PRKG2: variants seen among roughly 807,000 people sequenced by gnomAD.
PRKG2 encodes cGMP-dependent protein kinase 2.
PRKG2 carries 33 observed loss-of-function variants against 97.2 expected under a neutral mutation model. The observed-to-expected ratio is 0.34, with a 90% confidence interval of 0.26 to 0.45. The LOEUF is 0.45. PRKG2 is among the 20% of genes least tolerant of loss of function. PRKG2 has a pLI of 1.00. For missense variants in PRKG2, 638 were observed against 900.0 expected, an observed-to-expected ratio of 0.71 and a Z score of 3.73; for synonymous variants, 330 against 321.8, an observed-to-expected ratio of 1.03 and a Z score of -0.27.
chr4:81,140,818 C>A, intron 11 of PRKG2, 149 bp from the exon 12 acceptor site: 3 of 567,972 alleles, frequency 5.3e-6, no homozygotes, highest in Non-Finnish European at 8.7e-6. Flanking sequence ...AGTGTACACA[C>A]TTCCCTTTCA....
chr4:81,160,277 T>G (rs2110071307), intron 6 of PRKG2, among the ~76,000 whole-genome samples: 1 of 152,310 alleles, frequency 6.6e-6, no homozygotes. Flanking sequence ...CTGTAAGCTT[T>G]TCTTACATTG....
intron 14 of PRKG2, among the ~76,000 whole-genome samples, chr4:81,126,736 A>AT (rs1198158948): frequency 6.6e-6 from 1 of 151,546 alleles, no homozygotes; most frequent in Non-Finnish European, 1.5e-5. Flanking sequence ...TTTCTTGTAA[A>AT]TTTTTTTAAG....
chr4:81,158,930 C>T (rs1749360043), intron 6 of PRKG2, among the ~76,000 whole-genome samples: 1 of 148,372 alleles, frequency 6.7e-6, no homozygotes, highest in Non-Finnish European at 1.5e-5. Context: ...TTCCTTAATC[C>T]CTTCCTTACA....
At chr4:81,137,261 T>G in intron 13 of PRKG2, 132 bp downstream of exon 13, 1 of 692,798 alleles carries the variant, frequency 1.4e-6, no homozygotes, top group Non-Finnish European at 2.5e-6. Context: ...CAAGACAATA[T>G]CACTATTACT....
At chr4:81,154,225 G>C (rs930707082) in intron 6 of PRKG2, 9 of 161,918 alleles carry the variant, frequency 5.6e-5, no homozygotes, top group African/African-American at 2.2e-4. Flanking sequence ...GCTTGCTTAG[G>C]TAAACAAAGC....
intron 17 of PRKG2, among the ~76,000 whole-genome samples, chr4:81,101,941 C>T (rs972837094): frequency 6.6e-6 from 1 of 151,992 alleles, no homozygotes; most frequent in Non-Finnish European, 1.5e-5. Context: ...TTAAACACTC[C>T]CATTTGGAGA....
At chr4:81,096,773 T>C (rs2109950559) in intron 17 of PRKG2, among the ~76,000 whole-genome samples, 1 of 152,326 alleles carries the variant, frequency 6.6e-6, no homozygotes, top group African/African-American at 2.4e-5. Context: ...AGTTGTATGT[T>C]CAGGCTTCAA....
chr4:81,200,248 G>A (rs1753220175), intron 2 of PRKG2, among the ~76,000 whole-genome samples: 1 of 152,182 alleles, frequency 6.6e-6, no homozygotes, highest in South Asian at 2.1e-4. Flanking sequence ...CTCTGCCAGT[G>A]ATATTCAGTT....
intron 1 of PRKG2, among the ~76,000 whole-genome samples, chr4:81,210,288 A>C (rs1371041131): frequency 6.6e-6 from 1 of 152,136 alleles, no homozygotes; most frequent in Non-Finnish European, 1.5e-5. Context: ...AAGAAAATGA[A>C]AAAACAAGCC....
chr4:81,172,448 A>G (rs913232622), intron 3 of PRKG2, among the ~76,000 whole-genome samples: 2 of 152,088 alleles, frequency 1.3e-5, no homozygotes, highest in African/African-American at 4.8e-5. Flanking sequence ...ATGGTGCCTC[A>G]ATTGTTATCT....
rs74935333 is a variant in PRKG2 at position 81,178,578 on chromosome 4, C to A, written c.462-3619G>T. 6.0e-5 allele frequency among the ~76,000 whole-genome samples: 9 copies of A among 151,240 alleles called. No individual in the cohort carries two copies. The South Asian group carries it at 1.5e-3, about 25-fold the overall frequency. On this transcript the variant is annotated intron_variant, in intron 2 of 18. Coordinates refer to ENST00000264399, the MANE Select transcript of PRKG2 (RefSeq NM_006259.3). ...AAAACACAATATCTGAAGCTTGACA[C>A]GCAAAAGATCAGTTTGCAATCCGAT...
At position 81,093,406 on chromosome 4, in the gene PRKG2, A is replaced by ACACACAC. The variant is rs1560528537; in HGVS notation, c.2127-955_2127-954insGTGTGTG. On this transcript the variant is annotated intron_variant, in intron 17 of 18. Transcript: ENST00000264399. Reference sequence around the variant, plus strand: ...ACACACACACACACACACACACACAAGCTTCTTATCCTCCTTCCCTACTTT... The same window carrying ACACACAC: ...ACACACACACACACACACACACACAACACACACGCTTCTTATCCTCCTTCCCTACTTT... Among the ~76,000 whole-genome samples the ACACACAC allele has an allele frequency of 6.1e-3, 734 of 120,182 alleles. 13 individuals carry two copies. Among genetic ancestry groups the ACACACAC allele is most frequent in the African/African-American group, 0.024 (680 of 28,208 alleles). 78.8% of individuals were successfully genotyped at this position (120,182 alleles called of 152,430 possible). A position where few individuals can be genotyped will look rare whatever the true frequency, so the allele number is the denominator to read the frequency against.
At chr4:81,127,769 T>C (rs1341438237) in intron 14 of PRKG2, among the ~76,000 whole-genome samples, 2 of 152,208 alleles carry the variant, frequency 1.3e-5, no homozygotes, top group Non-Finnish European at 2.9e-5. Context: ...AATCATGTCA[T>C]CTGCAAACAG....
Position 81,092,412 on chromosome 4 carries a change from T to G in PRKG2, c.2167A>C (p.Ser723Arg). 6.3e-7 allele frequency: 1 copy of G among 1,595,326 alleles called. No homozygotes were observed. Among genetic ancestry groups the G allele is most frequent in the Non-Finnish European group, 8.6e-7 (1 of 1,166,296 alleles). The change falls in exon 18 of 19, where the codon AGC becomes CGC. Residue 723 changes from serine (S) to arginine (R), a missense_variant. Ser to Arg is a moderately radical substitution (Grantham distance 110). Transcript: ENST00000264399. ...TCTCTTTGCAAAGGTGATGGAAGGCTCCGTGCTTTCAGTCCCTCCCAATTA... is the reference window on the plus strand; with the variant it reads ...TCTCTTTGCAAAGGTGATGGAAGGCGCCGTGCTTTCAGTCCCTCCCAATTA... ...GFNWEGLKAR[S>R]LPSPLQRELK...
intron 14 of PRKG2, among the ~76,000 whole-genome samples, chr4:81,131,526 A>ATTACT (rs770673966): frequency 5.2e-4 from 79 of 152,322 alleles, no homozygotes; most frequent in Non-Finnish European, 8.5e-4. Flanking sequence ...TTCTAGATAC[A>ATTACT]AGCCTTTTGT....
chr4:81,191,234 CACGGA>C (rs1227786380), intron 2 of PRKG2, among the ~76,000 whole-genome samples: 1 of 152,066 alleles, frequency 6.6e-6, no homozygotes, highest in Non-Finnish European at 1.5e-5. Flanking sequence ...ACATATACAC[CACGGA>C]ATACTATGCA....
intron 15 of PRKG2, among the ~76,000 whole-genome samples, chr4:81,109,840 G>A (rs1417583342): frequency 6.6e-6 from 1 of 152,096 alleles, no homozygotes; most frequent in East Asian, 1.9e-4. Flanking sequence ...AAATATTTGA[G>A]ATCCTGGATT....
rs1206612239 is a variant in PRKG2, at chr4:81,105,803, T to C, written c.2063+10A>G. On this transcript the variant is annotated intron_variant, in intron 16 of 18. Coordinates refer to ENST00000264399, the MANE Select transcript of PRKG2 (RefSeq NM_006259.3). ...CTTCAAGACAAGGGGTTACTGACTG[T>C]CATTCTCACCTGCAAAGCCTCCGAA... The C allele has an allele frequency of 6.2e-7, 1 of 1,613,514 alleles. No homozygotes were observed. The highest frequency in any genetic ancestry group is 1.1e-5 in the South Asian group (1 of 91,022).
intron 17 of PRKG2, among the ~76,000 whole-genome samples, chr4:81,100,286 A>G (rs907734736): frequency 1.3e-5 from 2 of 152,208 alleles, no homozygotes; most frequent in Non-Finnish European, 2.9e-5. Flanking sequence ...ACAAAGGTGG[A>G]GGCATCACGC....
Sources: allele counts gnomAD v4.1 joint callset (sites outside exome capture counted in the v4.1 genomes callset), GRCh38; gene constraint gnomAD v4.1.1; transcripts MANE v1.5; gene names NCBI Gene and HGNC (gene_info 2026-07-23, HGNC 2026-07-21).